MACROD2: variants seen among roughly 807,000 people sequenced by gnomAD.
The protein encoded by MACROD2 is mono-ADP ribosylhydrolase 2.
MACROD2 carries 36 observed loss-of-function variants against 70.4 expected under a neutral mutation model. The observed-to-expected ratio is 0.51, with a 90% confidence interval of 0.39 to 0.68. MACROD2 has a LOEUF of 0.68. MACROD2 is among the 30% of genes least tolerant of loss of function. The probability of loss-of-function intolerance (pLI) is 0.00; values close to 1 mark genes in which losing one functional copy is unlikely to be tolerated. For missense variants in MACROD2, 496 were observed against 538.4 expected (o/e 0.92, Z 0.78); for synonymous variants, 172 against 178.8 (o/e 0.96, Z 0.30).
intron 5 of MACROD2, among the ~76,000 whole-genome samples, chr20:14,727,814 C>G (rs1744471401): frequency 6.6e-6 from 1 of 152,180 alleles, no homozygotes; most frequent in African/African-American, 2.4e-5. Context: ...CTCTTTCCAA[C>G]TCTTTTCCCA....
chr20:14,308,298 C>T lies in MACROD2; in HGVS notation c.272-185181C>T, dbSNP rs117256619. Among the ~76,000 whole-genome samples, 209 of 152,176 alleles carry T rather than the reference C, an allele frequency of 1.4e-3. 6 individuals are homozygous for T. The East Asian group carries it at 0.034, about 25-fold the overall frequency. ...TAGGTATGGCTGAGTTTCCTTATGT[C>T]GATTCTTTGAAGAATATGTCAGCTG... is the stretch of plus-strand genomic sequence containing the variant. On this transcript the variant is annotated intron_variant, in intron 3 of 17. Coordinates refer to ENST00000684519, the MANE Select transcript of MACROD2 (RefSeq NM_001351661.2).
In MACROD2 at chr20:15,609,843, G is replaced by A. The variant is rs116998640; in HGVS notation, c.645+109996G>A. ...ACCACAAATGTATATAATGGCCCTC[G>A]GTCGCTTACCAGCCCTCTCAGGGGA... On this transcript the variant is annotated intron_variant, in intron 8 of 17. Transcript: ENST00000684519. Among the ~76,000 whole-genome samples the A allele has an allele frequency of 8.2e-3, 1,252 of 152,202 alleles. 5 individuals carry two copies. Among genetic ancestry groups the A allele is most frequent in the Middle Eastern group, 0.02 (6 of 294 alleles).
chr20:15,036,165 C>A (rs956321586), intron 5 of MACROD2, among the ~76,000 whole-genome samples: 1 of 152,146 alleles, frequency 6.6e-6, no homozygotes, highest in Non-Finnish European at 1.5e-5. Flanking sequence ...TTCATTAGAA[C>A]TTGCTTCTCA....
intron 9 of MACROD2, among the ~76,000 whole-genome samples, chr20:15,865,542 T>C (rs2064480401): frequency 6.6e-6 from 1 of 152,158 alleles, no homozygotes; most frequent in South Asian, 2.1e-4. Context: ...GTTCCATTGT[T>C]AGGGTTTTTT....
intron 5 of MACROD2, among the ~76,000 whole-genome samples, chr20:15,058,120 G>GAAAA (rs2075501456): frequency 1.3e-5 from 2 of 152,076 alleles, no homozygotes; most frequent in Admixed American, 1.3e-4. Context: ...GTAGGGGAAG[G>GAAAA]GCATAGTCTT....
chr20:14,732,005 A>G (rs1293117117), intron 5 of MACROD2, among the ~76,000 whole-genome samples: 1 of 152,134 alleles, frequency 6.6e-6, no homozygotes, highest in Non-Finnish European at 1.5e-5. Context: ...ATTCTCGCTT[A>G]ATTTCTAATA....
intron 8 of MACROD2, among the ~76,000 whole-genome samples, chr20:15,637,346 T>C (rs1186110097): frequency 6.6e-6 from 1 of 152,222 alleles, no homozygotes; most frequent in Non-Finnish European, 1.5e-5. Context: ...CTTATTCCTA[T>C]TGGCTATGTG....
chr20:15,653,240 T>G (rs1459970325), intron 8 of MACROD2, among the ~76,000 whole-genome samples: 1 of 152,238 alleles, frequency 6.6e-6, no homozygotes. Context: ...CATAAATTGC[T>G]ATGTCTTTTA....
chr20:15,839,605 A>G (rs908717596), intron 8 of MACROD2, among the ~76,000 whole-genome samples: 2 of 152,128 alleles, frequency 1.3e-5, no homozygotes, highest in African/African-American at 4.8e-5. Flanking sequence ...AGCTGCCCCA[A>G]CTGTCATAGC....
chr20:15,281,325 A>G (rs889549428), intron 6 of MACROD2, among the ~76,000 whole-genome samples: 1 of 152,224 alleles, frequency 6.6e-6, no homozygotes, highest in Non-Finnish European at 1.5e-5. Flanking sequence ...CCAAAGTCTC[A>G]ACTAATTTCA....
intron 6 of MACROD2, among the ~76,000 whole-genome samples, chr20:15,375,923 T>C (rs1031737185): frequency 1.3e-5 from 2 of 152,138 alleles, no homozygotes; most frequent in African/African-American, 2.4e-5. Context: ...CAACGCCTGT[T>C]TACTTCCCTC....
chr20:15,972,028 T>A (rs1433334604), intron 13 of MACROD2, among the ~76,000 whole-genome samples: 1 of 152,194 alleles, frequency 6.6e-6, no homozygotes, highest in Non-Finnish European at 1.5e-5. Context: ...AAAGAAGTTA[T>A]AGAAAGACCC....
At chr20:15,884,411 T>C (rs543373222) in intron 9 of MACROD2, among the ~76,000 whole-genome samples, 17 of 152,002 alleles carry the variant, frequency 1.1e-4, no homozygotes, top group Non-Finnish European at 1.8e-4. Context: ...AGCATGCATG[T>C]AACAGAGGAG....
intron 5 of MACROD2, among the ~76,000 whole-genome samples, chr20:14,969,381 C>T (rs187034864): frequency 6.6e-6 from 1 of 150,932 alleles, no homozygotes; most frequent in East Asian, 1.9e-4. Context: ...CACACACACA[C>T]ACACACACAC....
chr20:15,642,907 A>G (rs1019258524), intron 8 of MACROD2, among the ~76,000 whole-genome samples: 5 of 152,046 alleles, frequency 3.3e-5, no homozygotes, highest in Non-Finnish European at 7.4e-5. Flanking sequence ...TTGCATGCCA[A>G]CTCACTGCCT....
At chr20:15,461,006 A>ATATATATATATTTTTTTTTTTTTT in intron 7 of MACROD2, among the ~76,000 whole-genome samples, 1 of 66,992 alleles carries the variant, frequency 1.5e-5, no homozygotes, top group African/African-American at 4.2e-5. Context: ...ATATATATAT[A>ATATATATATATTTTTTTTTTTTTT]TTTTTTTTTA....
At chr20:15,120,020 C>G (rs1385176196) in intron 5 of MACROD2, among the ~76,000 whole-genome samples, 2 of 152,152 alleles carry the variant, frequency 1.3e-5, no homozygotes, top group Non-Finnish European at 2.9e-5. Context: ...TATAAGTAAA[C>G]AAACATATTT....
chr20:15,755,216 C>T (rs77965341), intron 8 of MACROD2, among the ~76,000 whole-genome samples: 3,810 of 152,168 alleles, frequency 0.025, 63 homozygotes, highest in East Asian at 0.071. Context: ...GGTTGGGAGC[C>T]ATGCTTTGGG....
chr20:15,690,298 G>A (rs528420433), intron 8 of MACROD2, among the ~76,000 whole-genome samples: 1 of 152,248 alleles, frequency 6.6e-6, no homozygotes, highest in Admixed American at 6.5e-5. Context: ...AATCTGGGAT[G>A]GCAAGGGACA....
Sources: gnomAD v4.1 joint callset for allele counts (sites outside exome capture counted in the v4.1 genomes callset) on GRCh38, gnomAD v4.1.1 for gene constraint, MANE v1.5 for transcripts, NCBI Gene and HGNC (gene_info 2026-07-23, HGNC 2026-07-21) for gene names.